The following VAV3 variants were observed in gnomAD, a reference collection of about 807,000 sequenced individuals.
The protein encoded by VAV3 is vav guanine nucleotide exchange factor 3.
VAV3 carries 94 observed loss-of-function variants against 131.2 expected under a neutral mutation model. That is an observed-to-expected ratio of 0.72 (90% CI 0.61 to 0.85). The LOEUF (loss-of-function observed/expected upper bound fraction) is 0.85, where lower values mean the gene tolerates loss of function less well. Ranked by LOEUF, VAV3 falls within the 40% of genes least tolerant of loss-of-function variation. VAV3 has a pLI of 0.00. For missense variants in VAV3, 939 were observed against 1,002.7 expected (o/e 0.94, Z 0.86); for synonymous variants, 349 against 342.0 (o/e 1.02, Z -0.22).
chr1:107,909,435 TGAGTA>T (rs1200930745), intron 1 of VAV3, among the ~76,000 whole-genome samples: 1 of 150,328 alleles, frequency 6.7e-6, no homozygotes, highest in African/African-American at 2.4e-5. Context: ...AAATGAAAGA[TGAGTA>T]GACAATGGAA....
intron 1 of VAV3, among the ~76,000 whole-genome samples, chr1:107,939,303 G>T (rs554106775): frequency 1.3e-5 from 2 of 152,254 alleles, no homozygotes; most frequent in East Asian, 3.9e-4. Flanking sequence ...AAATTTTCTT[G>T]CCTTTACACA....
intron 1 of VAV3, among the ~76,000 whole-genome samples, chr1:107,877,381 T>C (rs1306831238): frequency 1.3e-5 from 2 of 152,182 alleles, no homozygotes; most frequent in Admixed American, 6.5e-5. Context: ...AAAGCATAAT[T>C]GCACACACCA....
At chr1:107,870,539 C>T (rs1317662901) in intron 2 of VAV3, among the ~76,000 whole-genome samples, 1 of 151,914 alleles carries the variant, frequency 6.6e-6, no homozygotes, top group Non-Finnish European at 1.5e-5. Flanking sequence ...GATATTAGTC[C>T]TTTGTTTGGT....
At chr1:107,649,932 A>T (rs1656030411) in intron 19 of VAV3, among the ~76,000 whole-genome samples, 1 of 152,080 alleles carries the variant, frequency 6.6e-6, no homozygotes, top group Non-Finnish European at 1.5e-5. Flanking sequence ...ACCAGATAAA[A>T]GTATCATAAA....
At chr1:107,870,039 A>G (rs547120462) in intron 2 of VAV3, among the ~76,000 whole-genome samples, 1 of 152,254 alleles carries the variant, frequency 6.6e-6, no homozygotes, top group Admixed American at 6.5e-5. Flanking sequence ...ACATTGATTG[A>G]CGGGCATTTG....
chr1:107,807,744 A>G (rs1013930977), intron 2 of VAV3, among the ~76,000 whole-genome samples: 7 of 152,208 alleles, frequency 4.6e-5, no homozygotes, highest in Non-Finnish European at 1.0e-4. Flanking sequence ...TGACCTTTTA[A>G]CTTTACCTTG....
chr1:107,931,663 C>T (rs1229174631), intron 1 of VAV3, among the ~76,000 whole-genome samples: 1 of 152,110 alleles, frequency 6.6e-6, no homozygotes, highest in Non-Finnish European at 1.5e-5. Context: ...GAATTGTAGT[C>T]AAATTATTCC....
intron 1 of VAV3, among the ~76,000 whole-genome samples, chr1:107,895,509 G>A (rs1191733219): frequency 6.6e-6 from 1 of 152,158 alleles, no homozygotes; most frequent in African/African-American, 2.4e-5. Flanking sequence ...CAGAGGTAGA[G>A]AGATGTTAAA....
chr1:107,948,596 C>A (rs1447540478), intron 1 of VAV3, among the ~76,000 whole-genome samples: 2 of 152,180 alleles, frequency 1.3e-5, no homozygotes, highest in African/African-American at 2.4e-5. Context: ...GTAATCTCAA[C>A]ACTTTGGGAG....
intron 22 of VAV3, chr1:107,609,669 C>A (rs1402783172): frequency 2.6e-6 from 1 of 383,384 alleles, no homozygotes; most frequent in Non-Finnish European, 4.7e-6. Flanking sequence ...GCGTATGTTC[C>A]ATTCCTTTCT....
At chr1:107,753,505 T>TAC (rs1378437781) in intron 12 of VAV3, among the ~76,000 whole-genome samples, 3 of 92,454 alleles carry the variant, frequency 3.2e-5, no homozygotes, top group African/African-American at 1.2e-4. Context: ...CACACATATA[T>TAC]ATACACACAT....
At chr1:107,735,760 C>T (rs1662580232) in intron 15 of VAV3, among the ~76,000 whole-genome samples, 1 of 152,158 alleles carries the variant, frequency 6.6e-6, no homozygotes, top group South Asian at 2.1e-4. Context: ...GGATTCACAA[C>T]CGACTTCTAC....
chr1:107,772,577 T>G (rs1407604335), intron 5 of VAV3, among the ~76,000 whole-genome samples, 158 bp downstream of exon 5: 1 of 152,180 alleles, frequency 6.6e-6, no homozygotes, highest in Admixed American at 6.5e-5. Context: ...TGAAAGGTCA[T>G]GCATATGTCT....
At chr1:107,683,596 G>C (rs200261032) in intron 18 of VAV3, 63 bp from the exon 19 acceptor site, 1 of 1,518,300 alleles carries the variant, frequency 6.6e-7, no homozygotes, top group East Asian at 2.3e-5. Flanking sequence ...CTATTAAATT[G>C]TATTACTACT....
At chr1:107,957,943 C>A (rs1674894859) in intron 1 of VAV3, among the ~76,000 whole-genome samples, 1 of 151,752 alleles carries the variant, frequency 6.6e-6, no homozygotes, top group Admixed American at 6.6e-5. Flanking sequence ...TTGTACCTCA[C>A]CAAGAGGGTT....
intron 2 of VAV3, among the ~76,000 whole-genome samples, chr1:107,789,020 C>T (rs940959704): frequency 2.0e-5 from 3 of 152,292 alleles, no homozygotes; most frequent in Admixed American, 2.0e-4. Context: ...AGCATCATCA[C>T]CAGCTGATTG....
chr1:107,949,293 T>A (rs1011945264), intron 1 of VAV3, among the ~76,000 whole-genome samples: 7 of 148,386 alleles, frequency 4.7e-5, no homozygotes, highest in African/African-American at 1.8e-4. Flanking sequence ...AACAATCTTT[T>A]TTCTTTTTGT....
At chr1:107,794,277 T>C (rs1037386745) in intron 2 of VAV3, among the ~76,000 whole-genome samples, 2 of 152,192 alleles carry the variant, frequency 1.3e-5, no homozygotes, top group African/African-American at 4.8e-5. Context: ...CTATTTGTGG[T>C]TTGTGTGTGC....
chr1:107,803,053 C>T (rs1468256640), intron 2 of VAV3, among the ~76,000 whole-genome samples: 3 of 151,874 alleles, frequency 2.0e-5, no homozygotes, highest in Non-Finnish European at 4.4e-5. Flanking sequence ...TCTATTTCTT[C>T]GTGGCTTAAT....
Sources: allele counts gnomAD v4.1 joint callset (sites outside exome capture counted in the v4.1 genomes callset), GRCh38; gene constraint gnomAD v4.1.1; transcripts MANE v1.5; gene names NCBI Gene and HGNC (gene_info 2026-07-23, HGNC 2026-07-21).